KAZN: variants seen among roughly 807,000 people sequenced by gnomAD.
KAZN encodes kazrin.
KAZN carries 40 observed loss-of-function variants against 87.4 expected under a neutral mutation model. That is an observed-to-expected ratio of 0.46 (90% CI 0.36 to 0.60). The LOEUF is 0.60. KAZN is among the 20% of genes least tolerant of loss of function. KAZN has a pLI of 0.00. For synonymous variants in KAZN, 466 were observed against 458.3 expected, an observed-to-expected ratio of 1.02 and a Z score of -0.22; for missense variants, 898 against 1,073.9, an observed-to-expected ratio of 0.84 and a Z score of 2.29.
At chr1:14,527,936 C>G (rs2148475023) in intron 2 of KAZN, among the ~76,000 whole-genome samples, 1 of 152,200 alleles carries the variant, frequency 6.6e-6, no homozygotes, top group Non-Finnish European at 1.5e-5. Context: ...AACTATAGCA[C>G]TTCATTCACT....
rs531847507 is a variant in KAZN, at chr1:14,759,027, G to A, written c.226+159804G>A. On this transcript the variant is annotated intron_variant, in intron 1 of 14. Transcript: ENST00000376030. ...CACCTGGACCAGGAATTAGTCCTAA[G>A]CTAACCTAGGCTACCCTGGACAATG... Among the ~76,000 whole-genome samples the A allele has an allele frequency of 5.9e-5, 9 of 152,286 alleles. No individual in the cohort carries two copies. The East Asian group carries it at 1.4e-3, about 23-fold the overall frequency.
At chr1:14,377,110 T>C (rs1660974395) in intron 2 of KAZN, among the ~76,000 whole-genome samples, 1 of 152,128 alleles carries the variant, frequency 6.6e-6, no homozygotes, top group African/African-American at 2.4e-5. Context: ...AAGTGAAAGC[T>C]AGTGGGAAAC....
intron 2 of KAZN, among the ~76,000 whole-genome samples, chr1:14,352,005 T>C (rs1349317958): frequency 6.6e-6 from 1 of 152,236 alleles, no homozygotes; most frequent in Non-Finnish European, 1.5e-5. Flanking sequence ...GAATGCTAAA[T>C]TTAACAATTA....
intron 2 of KAZN, among the ~76,000 whole-genome samples, chr1:14,515,616 C>T (rs1200065109): frequency 6.6e-6 from 1 of 152,180 alleles, no homozygotes; most frequent in Non-Finnish European, 1.5e-5. Context: ...CTTTCTGGTC[C>T]TCAGCCACAC....
chr1:14,135,985 A>C (rs557106188), intron 1 of KAZN, among the ~76,000 whole-genome samples: 1 of 152,284 alleles, frequency 6.6e-6, no homozygotes, highest in Admixed American at 6.5e-5. Flanking sequence ...TGGTTCATGG[A>C]ACAATAATTG....
intron 1 of KAZN, among the ~76,000 whole-genome samples, chr1:14,939,830 G>T (rs532896081): frequency 6.6e-6 from 1 of 152,300 alleles, no homozygotes; most frequent in Admixed American, 6.5e-5. Context: ...GAGAGACCCT[G>T]AGCTCCTCCT....
At chr1:14,665,538 G>A (rs912935118) in intron 1 of KAZN, among the ~76,000 whole-genome samples, 2 of 152,142 alleles carry the variant, frequency 1.3e-5, no homozygotes, top group African/African-American at 4.8e-5. Flanking sequence ...GTGCGTGTTA[G>A]GGGCTGGGGT....
intron 1 of KAZN, among the ~76,000 whole-genome samples, chr1:14,008,063 C>G (rs1395125135): frequency 3.3e-5 from 5 of 152,122 alleles, no homozygotes; most frequent in African/African-American, 1.2e-4. Flanking sequence ...ACTTCTAGTT[C>G]TGCTAGAAGT....
intron 2 of KAZN, among the ~76,000 whole-genome samples, chr1:14,235,204 A>G (rs370521017): frequency 6.6e-6 from 1 of 152,226 alleles, no homozygotes; most frequent in Non-Finnish European, 1.5e-5. Flanking sequence ...TCATCCATAA[A>G]CAAAATGTGG....
intron 2 of KAZN, among the ~76,000 whole-genome samples, chr1:14,513,964 T>G (rs1381893367): frequency 6.6e-6 from 1 of 151,914 alleles, no homozygotes; most frequent in Non-Finnish European, 1.5e-5. Flanking sequence ...TACTACATAT[T>G]TAACCATTTG....
intron 2 of KAZN, among the ~76,000 whole-genome samples, chr1:14,967,001 G>T (rs974331113): frequency 6.6e-6 from 1 of 152,192 alleles, no homozygotes; most frequent in Non-Finnish European, 1.5e-5. Context: ...AAAATGGCTT[G>T]AACAAAGGCT....
chr1:14,160,067 T>G (rs1241745688), intron 1 of KAZN, among the ~76,000 whole-genome samples: 1 of 152,208 alleles, frequency 6.6e-6, no homozygotes, highest in Non-Finnish European at 1.5e-5. Flanking sequence ...AAATGGATGA[T>G]GCCTGCACTC....
intron 13 of KAZN, among the ~76,000 whole-genome samples, chr1:15,106,858 A>G (rs180745434): frequency 1.4e-4 from 22 of 152,342 alleles, no homozygotes; most frequent in Admixed American, 1.4e-3. Context: ...ACAATGTGTC[A>G]GTCATAGGAC....
intron 2 of KAZN, among the ~76,000 whole-genome samples, chr1:14,308,207 C>CTA (rs1655057521): frequency 6.6e-6 from 1 of 152,028 alleles, no homozygotes; most frequent in African/African-American, 2.4e-5. Context: ...AAAAAAATAG[C>CTA]TATATAGAAC....
At chr1:14,934,396 G>A (rs1057227510) in intron 1 of KAZN, among the ~76,000 whole-genome samples, 11 of 151,526 alleles carry the variant, frequency 7.3e-5, no homozygotes, top group Admixed American at 4.6e-4. Context: ...TAGTAGAGAC[G>A]GGGTTTCACC....
chr1:14,480,771 T>A (rs1669038589), intron 2 of KAZN, among the ~76,000 whole-genome samples: 2 of 145,778 alleles, frequency 1.4e-5, no homozygotes, highest in Non-Finnish European at 3.0e-5. Context: ...AAAAAATATA[T>A]AATATATATA....
At chr1:14,792,238 T>G (rs1645695340) in intron 1 of KAZN, among the ~76,000 whole-genome samples, 1 of 152,202 alleles carries the variant, frequency 6.6e-6, no homozygotes, top group South Asian at 2.1e-4. Context: ...GGAGACAAAA[T>G]GTACAAGCTA....
At chr1:15,044,259 G>T (rs11808219) in intron 4 of KAZN, 100 bp downstream of exon 4, 2,854 of 861,486 alleles carry the variant, frequency 3.3e-3, no homozygotes, top group Middle Eastern at 5.8e-3. Context: ...ACCTAGGGTG[G>T]GGTGGGTGGG....
At chr1:14,795,488 GC>G (rs1645802743) in intron 1 of KAZN, among the ~76,000 whole-genome samples, 1 of 152,126 alleles carries the variant, frequency 6.6e-6, no homozygotes, top group Non-Finnish European at 1.5e-5. Flanking sequence ...GATTTAAGAG[GC>G]TTTTTATCTT....
Sources: gnomAD v4.1 joint callset for allele counts (sites outside exome capture counted in the v4.1 genomes callset) on GRCh38, gnomAD v4.1.1 for gene constraint, MANE v1.5 for transcripts, NCBI Gene and HGNC (gene_info 2026-07-23, HGNC 2026-07-21) for gene names.